The following POLA2 variants were observed in gnomAD, a reference collection of about 807,000 sequenced individuals.
The protein encoded by POLA2 is DNA polymerase alpha 2, accessory subunit, also known as DNA polymerase alpha subunit B.
A neutral mutation model predicts 82.8 loss-of-function variants in POLA2; 47 were observed. The ratio of observed to expected loss-of-function variants is 0.57; its 90% confidence interval spans 0.45 to 0.72. POLA2 has a LOEUF of 0.72. Among genes scored for constraint, POLA2 ranks in the 30% least tolerant of loss-of-function variants. POLA2 has a pLI of 0.00. For missense variants in POLA2, 634 were observed against 728.1 expected, an observed-to-expected ratio of 0.87 and a Z score of 1.49; for synonymous variants, 287 against 286.8, an observed-to-expected ratio of 1.00 and a Z score of -0.01.
At position 65,279,640 on chromosome 11, in the gene POLA2, TA is replaced by T; in HGVS notation, c.744+16del. 1 of 1,557,270 alleles carries T rather than the reference TA, an allele frequency of 6.4e-7. No homozygotes were observed. Among genetic ancestry groups the T allele is most frequent in the Non-Finnish European group, 8.8e-7 (1 of 1,133,518 alleles). On this transcript the variant is annotated intron_variant, in intron 7 of 17. Transcript: ENST00000265465. Reference sequence around the variant, plus strand: ...GCCCCAGCACAGGTAAGAGTTGTTCTAATAGTTCTCACTAATTAATATTACG... The same window carrying T: ...GCCCCAGCACAGGTAAGAGTTGTTCTATAGTTCTCACTAATTAATATTACG...
chr11:65,281,583 A>G (rs1346792323), intron 8 of POLA2, 87 bp from the exon 9 acceptor site: 5 of 948,812 alleles, frequency 5.3e-6, no homozygotes, highest in African/African-American at 3.2e-5. Flanking sequence ...GAGTAGTTGG[A>G]CAATGCTTTT....
chr11:65,264,185 A>G (rs919927242), intron 1 of POLA2, among the ~76,000 whole-genome samples: 1 of 152,050 alleles, frequency 6.6e-6, no homozygotes, highest in Non-Finnish European at 1.5e-5. Context: ...CTCCTGCCTC[A>G]GCCTCCCGAG....
intron 14 of POLA2, 118 bp downstream of exon 14, chr11:65,294,379 T>C: frequency 1.0e-6 from 1 of 999,564 alleles, no homozygotes. Context: ...ACAGCCTGAA[T>C]CTTAAACTCC....
intron 17 of POLA2, 79 bp downstream of exon 17, chr11:65,296,069 C>T (rs1336631529): frequency 6.5e-7 from 1 of 1,536,160 alleles, no homozygotes; most frequent in African/African-American, 1.4e-5. Context: ...CCGGCACTCA[C>T]CCCTCATGGG....
intron 17 of POLA2, 70 bp downstream of exon 17, chr11:65,296,060 C>A: frequency 1.3e-6 from 2 of 1,566,168 alleles, no homozygotes; most frequent in Non-Finnish European, 1.8e-6. Context: ...CTAGACCACC[C>A]GGCACTCACC....
intron 8 of POLA2, 109 bp downstream of exon 8, chr11:65,281,256 G>T (rs954680091): frequency 7.7e-5 from 90 of 1,165,468 alleles, no homozygotes; most frequent in Admixed American, 2.4e-4. Context: ...CTGCCATGGG[G>T]TGCAGCTGGA....
chr11:65,293,588 G>A (rs907406908), intron 13 of POLA2, among the ~76,000 whole-genome samples: 5 of 146,140 alleles, frequency 3.4e-5, no homozygotes, highest in Non-Finnish European at 7.4e-5. Context: ...CGGCCTGGGC[G>A]ACAGAGTGAG....
chr11:65,297,347 A>T lies in POLA2; in HGVS notation c.*78A>T. The T allele has an allele frequency of 1.4e-6, 2 of 1,464,280 alleles. No individual in the cohort carries two copies. Among genetic ancestry groups the T allele is most frequent in the Non-Finnish European group, 1.8e-6 (2 of 1,104,848 alleles). 90.7% of individuals were successfully genotyped at this position (1,464,280 alleles called of 1,614,324 possible). On this transcript the variant is annotated 3_prime_UTR_variant, in exon 18 of 18. Transcript: ENST00000265465. The stretch of plus-strand genomic sequence containing the variant: ...AGAGCCAAGACATAGCCCTGTGACA[A>T]GGTGAACAGTTGGGTGGGAAAGGAG...
intron 4 of POLA2, among the ~76,000 whole-genome samples, chr11:65,269,128 T>G (rs144269345): frequency 1.5e-4 from 23 of 152,294 alleles, no homozygotes; most frequent in African/African-American, 5.5e-4. Flanking sequence ...GTGAGTTGTT[T>G]TATCTCTCTG....
At chr11:65,299,069 G>A (rs2137613958), downstream of POLA2, among the ~76,000 whole-genome samples, 1 of 152,332 alleles carries the variant, frequency 6.6e-6, no homozygotes, top group South Asian at 2.1e-4. Context: ...AGTGACTGCT[G>A]GCTGACCGTC....
At chr11:65,269,520 G>A (rs187025874) in intron 4 of POLA2, among the ~76,000 whole-genome samples, 1 of 151,494 alleles carries the variant, frequency 6.6e-6, no homozygotes, top group African/African-American at 2.4e-5. Context: ...CAACAACTAT[G>A]TACTGCACTA....
At chr11:65,271,618 G>A (rs974071414) in intron 4 of POLA2, among the ~76,000 whole-genome samples, 3 of 152,018 alleles carry the variant, frequency 2.0e-5, no homozygotes, top group Non-Finnish European at 4.4e-5. Context: ...CCAGCACTTC[G>A]GGAGGCTGAG....
intron 10 of POLA2, among the ~76,000 whole-genome samples, chr11:65,287,345 A>G (rs1246656119): frequency 6.6e-6 from 1 of 152,030 alleles, no homozygotes; most frequent in African/African-American, 2.4e-5. Context: ...CACTGAGCAC[A>G]CTCAGGTCTC....
Position 65,284,659 on chromosome 11 carries a change from G to T in POLA2, c.1006+2138G>T, listed in dbSNP as rs569493201. 7.2e-5 allele frequency among the ~76,000 whole-genome samples: 11 copies of T among 152,038 alleles called. No individual in the cohort carries two copies. The East Asian group carries it at 1.9e-3, about 27-fold the overall frequency. Reference sequence around the variant, plus strand: ...TCCTGCCTTAGCCTCCCAAGTAGCTGGGATTACAGGCATGCACCTGTAATG... The same window carrying T: ...TCCTGCCTTAGCCTCCCAAGTAGCTTGGATTACAGGCATGCACCTGTAATG... On this transcript the variant is annotated intron_variant, in intron 10 of 17. Coordinates refer to ENST00000265465, the MANE Select transcript of POLA2 (RefSeq NM_002689.4).
chr11:65,301,686 A>C (rs1036551874), downstream of POLA2, among the ~76,000 whole-genome samples: 1 of 151,814 alleles, frequency 6.6e-6, no homozygotes, highest in Non-Finnish European at 1.5e-5. Context: ...TCAACAAGGC[A>C]AAAGGGTGGG....
chr11:65,285,662 G>C (rs1358786122), intron 10 of POLA2, among the ~76,000 whole-genome samples: 1 of 152,096 alleles, frequency 6.6e-6, no homozygotes, highest in African/African-American at 2.4e-5. Context: ...TCAACTTCAG[G>C]TAATGAAATC....
At chr11:65,282,544 T>G (rs1949652162) in intron 10 of POLA2, 23 bp downstream of exon 10, 1 of 1,603,644 alleles carries the variant, frequency 6.2e-7, no homozygotes, top group Non-Finnish European at 8.5e-7. Flanking sequence ...TCAAATATTG[T>G]TTTGCCAACA....
intron 17 of POLA2, 85 bp downstream of exon 17, chr11:65,296,075 A>T: frequency 1.0e-5 from 15 of 1,468,904 alleles, no homozygotes; most frequent in African/African-American, 4.2e-5. Flanking sequence ...CTCACCCCTC[A>T]TGGGTCAGCT....
At chr11:65,272,971 A>T (rs1949537740) in intron 4 of POLA2, among the ~76,000 whole-genome samples, 1 of 151,278 alleles carries the variant, frequency 6.6e-6, no homozygotes, top group South Asian at 2.1e-4. Context: ...AGATCGTGCC[A>T]CTGCACTCCA....
Sources: allele counts gnomAD v4.1 joint callset (sites outside exome capture counted in the v4.1 genomes callset), GRCh38; gene constraint gnomAD v4.1.1; transcripts MANE v1.5; gene names NCBI Gene and HGNC (gene_info 2026-07-23, HGNC 2026-07-21).